BLK: variants seen among roughly 807,000 people sequenced by gnomAD.
The protein encoded by BLK is tyrosine-protein kinase Blk.
BLK carries 64 observed loss-of-function variants against 61.8 expected under a neutral mutation model. The ratio of observed to expected loss-of-function variants is 1.03; its 90% CI spans 0.85 to 1.27. The LOEUF (loss-of-function observed/expected upper bound fraction) is 1.27, where lower values mean the gene tolerates loss of function less well. Among genes scored for constraint, BLK ranks in the 50% most tolerant of loss-of-function variants. The pLI is 0.00. For synonymous variants in BLK, 351 were observed against 272.0 expected, an observed-to-expected ratio of 1.29 and a Z score of -2.86; for missense variants, 853 against 660.5, an observed-to-expected ratio of 1.29 and a Z score of -3.19.
intron 1 of BLK, among the ~76,000 whole-genome samples, chr8:11,535,463 A>G (rs1013256756): frequency 6.6e-6 from 1 of 152,228 alleles, no homozygotes; most frequent in Non-Finnish European, 1.5e-5. Flanking sequence ...TTCTATCTTC[A>G]TGTGTTTGGA....
At position 11,510,584 on chromosome 8, in the gene BLK, C is replaced by A. The variant is rs1176722454; in HGVS notation, c.-2+15993C>A. On this transcript the variant is annotated intron_variant, in intron 1 of 12. Transcript: ENST00000259089. ...TCAGGTTCTCAACGGGGGCTGTGGC[C>A]CCAAAAATGTTTTTTAAAAAACCCA... Among the ~76,000 whole-genome samples, 3 of 151,896 alleles carry A rather than the reference C, an allele frequency of 2.0e-5. 1 individual carries two copies. The highest frequency in any genetic ancestry group is 2.0e-4 in the Admixed American group (3 of 15,238).
In BLK at chr8:11,556,850, G is replaced by C. The variant is rs371032034; in HGVS notation, c.952+13G>C. 36 of 1,612,816 alleles carry C rather than the reference G, an allele frequency of 2.2e-5. No individual in the cohort carries two copies. Among genetic ancestry groups the C allele is most frequent in the Non-Finnish European group, 3.0e-5 (35 of 1,179,370 alleles). On this transcript the variant is annotated intron_variant, in intron 9 of 12. Transcript: ENST00000259089. The stretch of plus-strand genomic sequence containing the variant: ...TACATGGCCAGAGGTGGTGCCCCCC[G>C]CAGAGCCGCATCCTCAGAGCGAGGC...
intron 1 of BLK, among the ~76,000 whole-genome samples, chr8:11,502,536 G>C (rs1585729): frequency 0.45 from 67,809 of 152,016 alleles, 16,574 homozygotes; most frequent in East Asian, 0.72. Flanking sequence ...GATCTGCCCA[G>C]TTCGGCCTCC....
At chr8:11,531,271 T>A (rs1306673803) in intron 1 of BLK, among the ~76,000 whole-genome samples, 1 of 152,338 alleles carries the variant, frequency 6.6e-6, no homozygotes, top group South Asian at 2.1e-4. Context: ...CTATTTCTTT[T>A]CTTAATGGTG....
At chr8:11,530,219 G>C (rs925402684) in intron 1 of BLK, among the ~76,000 whole-genome samples, 9 of 151,896 alleles carry the variant, frequency 5.9e-5, no homozygotes, top group African/African-American at 2.2e-4. Context: ...AAAGTCTCTT[G>C]AGCCCAGCCA....
At chr8:11,556,962 G>C (rs887542518) in intron 9 of BLK, 125 bp downstream of exon 9, 1 of 978,152 alleles carries the variant, frequency 1.0e-6, no homozygotes, top group Middle Eastern at 3.3e-4. Context: ...GGCATGGCAC[G>C]GTGTGGGGAC....
rs1434986630 is a variant in BLK, at chr8:11,535,178, T to TGAAAGAAAGAAAGAAAGAAG, written c.-1-8027_-1-8008dup. ...GGGTGACAAGAGACAGACAGATGAATGAAAGAAAGAAAGAAAGAAGGAAAG... is the reference window on the plus strand; with the variant it reads ...GGGTGACAAGAGACAGACAGATGAATGAAAGAAAGAAAGAAAGAAGGAAAGAAAGAAAGAAAGAAGGAAAG... On this transcript the variant is annotated intron_variant, in intron 1 of 12. Coordinates refer to ENST00000259089, the MANE Select transcript of BLK (RefSeq NM_001715.3). Among the ~76,000 whole-genome samples the TGAAAGAAAGAAAGAAAGAAG allele has an allele frequency of 5.5e-5, 6 of 109,634 alleles. No individual in the cohort carries two copies. The East Asian group carries it at 1.6e-3, about 30-fold the overall frequency. 71.9% of individuals were successfully genotyped at this position (109,634 alleles called of 152,430 possible).
rs533318915 is a variant in BLK at position 11,562,916 on chromosome 8, T to G, written c.1181-63T>G. ...AGGACAGCAGGAGCAGGGGTAGGGG[T>G]GAGGATGGAGGGTAGGGGCCACCGG... On this transcript the variant is annotated intron_variant, in intron 11 of 12. Transcript: ENST00000259089. 236 of 1,608,136 alleles carry G rather than the reference T, an allele frequency of 1.5e-4. 1 individual carries two copies. The African/African-American group carries it at 3.0e-3, about 20-fold the overall frequency.
chr8:11,507,825 C>T (rs977213848), intron 1 of BLK, among the ~76,000 whole-genome samples: 3 of 152,146 alleles, frequency 2.0e-5, no homozygotes, highest in African/African-American at 7.2e-5. Flanking sequence ...CACCCCATGG[C>T]AAGCTAGTTT....
rs1585413137 is a variant in BLK, at chr8:11,556,076, T to C, written c.773-582T>C. On this transcript the variant is annotated intron_variant, in intron 8 of 12. Transcript: ENST00000259089. ...TGAGTGCTCCCTTACCTGGGGCTGA[T>C]GCCCACGGTGCTTTTGGCAGGAGCT... The C allele has an allele frequency of 1.3e-5, 3 of 227,428 alleles. No homozygotes were observed. In the East Asian group the frequency reaches 3.1e-4, roughly 24 times the overall value. The allele number at this position is 227,428 out of a possible 1,614,324, so 14.1% of individuals were successfully genotyped here.
intron 1 of BLK, among the ~76,000 whole-genome samples, chr8:11,521,995 T>A (rs1799471545): frequency 6.6e-6 from 1 of 152,332 alleles, no homozygotes; most frequent in Non-Finnish European, 1.5e-5. Context: ...ACACATTTGA[T>A]TTTTAAGTAA....
intron 1 of BLK, among the ~76,000 whole-genome samples, chr8:11,525,931 G>A (rs762665187): frequency 3.9e-5 from 6 of 152,080 alleles, no homozygotes; most frequent in Non-Finnish European, 8.8e-5. Context: ...TTTTAGCAGA[G>A]ACAGGGTTTC....
At chr8:11,536,056 C>T (rs1375323933) in intron 1 of BLK, among the ~76,000 whole-genome samples, 1 of 152,178 alleles carries the variant, frequency 6.6e-6, no homozygotes, top group Non-Finnish European at 1.5e-5. Context: ...AAGCAAGAAG[C>T]TATTTTTAAG....
At chr8:11,495,102 A>G (rs1045372459) in intron 1 of BLK, among the ~76,000 whole-genome samples, 8 of 152,220 alleles carry the variant, frequency 5.3e-5, no homozygotes, top group Non-Finnish European at 8.8e-5. Context: ...GGGTAACTGA[A>G]TAGATGTAAT....
chr8:11,564,488 G>A lies in BLK; in HGVS notation c.*380G>A, dbSNP rs1563129141. The stretch of plus-strand genomic sequence containing the variant: ...CTGCGCCCTGCGTGGACCCCGCCCT[G>A]CCCCGCTACAGAAGCCAGACTGGGT... On this transcript the variant is annotated 3_prime_UTR_variant, in exon 13 of 13. Coordinates refer to ENST00000259089, the MANE Select transcript of BLK (RefSeq NM_001715.3). 3 of 517,468 alleles carry A rather than the reference G, an allele frequency of 5.8e-6. No individual in the cohort carries two copies. The highest frequency in any genetic ancestry group is 4.5e-5 in the Admixed American group (2 of 44,124). 32.1% of individuals were successfully genotyped at this position (517,468 alleles called of 1,614,324 possible).
At chr8:11,537,731 A>G (rs1167362921) in intron 1 of BLK, among the ~76,000 whole-genome samples, 1 of 152,232 alleles carries the variant, frequency 6.6e-6, no homozygotes, top group African/African-American at 2.4e-5. Flanking sequence ...GCTAACATGT[A>G]TTAGAAAAAA....
At chr8:11,506,111 C>T (rs891702172) in intron 1 of BLK, among the ~76,000 whole-genome samples, 9 of 152,198 alleles carry the variant, frequency 5.9e-5, no homozygotes, top group African/African-American at 1.2e-4. Flanking sequence ...GGTTCCCCAC[C>T]GCACACCTGG....
chr8:11,536,609 T>G (rs907926346), intron 1 of BLK, among the ~76,000 whole-genome samples: 1 of 152,198 alleles, frequency 6.6e-6, no homozygotes, highest in Non-Finnish European at 1.5e-5. Flanking sequence ...GGTTTCACCA[T>G]GTTGGCCAGG....
intron 1 of BLK, among the ~76,000 whole-genome samples, chr8:11,541,757 C>T (rs184885104): frequency 1.3e-5 from 2 of 152,254 alleles, no homozygotes; most frequent in East Asian, 3.9e-4. Context: ...CTCGGCCTTC[C>T]AAAGTGCTGG....
Sources: gnomAD v4.1 joint callset for allele counts (sites outside exome capture counted in the v4.1 genomes callset) on GRCh38, gnomAD v4.1.1 for gene constraint, MANE v1.5 for transcripts, NCBI Gene and HGNC (gene_info 2026-07-23, HGNC 2026-07-21) for gene names.